Variants in SPOCK1 observed in about 807,000 individuals in gnomAD.
SPOCK1 encodes testican-1.
Under a neutral mutation model 55.3 loss-of-function variants are expected in SPOCK1, and 23 were observed. The observed-to-expected ratio is 0.42, with a 90% confidence interval of 0.30 to 0.59. The LOEUF (loss-of-function observed/expected upper bound fraction) is 0.59, where lower values mean the gene tolerates loss of function less well. Among genes scored for constraint, SPOCK1 ranks in the 20% least tolerant of loss-of-function variants. SPOCK1 has a pLI of 0.22. For missense variants in SPOCK1, 499 were observed against 552.5 expected (o/e 0.90, Z 0.97); for synonymous variants, 226 against 221.0 (o/e 1.02, Z -0.20).
At chr5:137,363,477 G>A (rs538085073) in intron 2 of SPOCK1, among the ~76,000 whole-genome samples, 24 of 152,278 alleles carry the variant, frequency 1.6e-4, no homozygotes, top group Admixed American at 5.2e-4. Flanking sequence ...CAGCTTGATG[G>A]TTAAGGGCAT....
At chr5:137,433,919 T>C (rs1309929441) in intron 2 of SPOCK1, among the ~76,000 whole-genome samples, 2 of 152,212 alleles carry the variant, frequency 1.3e-5, no homozygotes, top group Admixed American at 1.3e-4. Flanking sequence ...TTGAGTACCA[T>C]TTTAAGGAAT....
Position 137,408,301 on chromosome 5 carries a change from T to C in SPOCK1, c.186+90072A>G, listed in dbSNP as rs753324264. 2.0e-5 allele frequency among the ~76,000 whole-genome samples: 3 copies of C among 152,166 alleles called. No individual in the cohort carries two copies. In the South Asian group the frequency reaches 6.2e-4, roughly 32 times the overall value. On this transcript the variant is annotated intron_variant, in intron 2 of 10. Coordinates refer to ENST00000394945, the MANE Select transcript of SPOCK1 (RefSeq NM_004598.4). ...ACCCCACCATGGATGGTGAGTGGTA[T>C]GGTCTTACCATCAGATAGTCAGGAG...
intron 5 of SPOCK1, among the ~76,000 whole-genome samples, chr5:137,095,823 G>A (rs1753136163): frequency 1.3e-5 from 2 of 152,300 alleles, no homozygotes; most frequent in African/African-American, 4.8e-5. Context: ...TGAAATAGCA[G>A]GTCAAAAATA....
intron 2 of SPOCK1, among the ~76,000 whole-genome samples, chr5:137,342,095 C>T (rs1156933382): frequency 6.6e-6 from 1 of 152,234 alleles, no homozygotes; most frequent in African/African-American, 2.4e-5. Flanking sequence ...ATCAGACATA[C>T]TCTCAGCAAA....
chr5:137,333,987 G>C (rs1750176262), intron 2 of SPOCK1, among the ~76,000 whole-genome samples: 1 of 152,160 alleles, frequency 6.6e-6, no homozygotes, highest in African/African-American at 2.4e-5. Flanking sequence ...AAGCAGGTTG[G>C]GTAGTTTCCA....
intron 2 of SPOCK1, among the ~76,000 whole-genome samples, chr5:137,485,007 A>G (rs1051010242): frequency 3.4e-4 from 51 of 152,214 alleles, no homozygotes; most frequent in African/African-American, 1.2e-3. Context: ...GAAAATAAAA[A>G]TTTTAGTATT....
intron 5 of SPOCK1, among the ~76,000 whole-genome samples, chr5:137,077,058 G>A (rs888495465): frequency 1.3e-5 from 2 of 151,982 alleles, no homozygotes; most frequent in Non-Finnish European, 2.9e-5. Flanking sequence ...TAAGTAGCTG[G>A]GACTACAGGC....
chr5:137,044,832 C>A (rs1390682161), intron 6 of SPOCK1, among the ~76,000 whole-genome samples: 2 of 141,476 alleles, frequency 1.4e-5, no homozygotes, highest in African/African-American at 5.3e-5. Context: ...TGTGATATTC[C>A]CCTTCCTGTG....
intron 2 of SPOCK1, among the ~76,000 whole-genome samples, chr5:137,434,536 A>G (rs1752817932): frequency 8.6e-6 from 1 of 116,222 alleles, no homozygotes; most frequent in Non-Finnish European, 1.6e-5. Flanking sequence ...TCTGTCACAC[A>G]GGCTGCAGTG....
At chr5:137,243,189 G>A (rs2127101429) in intron 3 of SPOCK1, among the ~76,000 whole-genome samples, 1 of 152,208 alleles carries the variant, frequency 6.6e-6, no homozygotes, top group Non-Finnish European at 1.5e-5. Flanking sequence ...ATTTTTCCTT[G>A]GCTCGTTCTT....
At chr5:137,418,169 G>T (rs1258437242) in intron 2 of SPOCK1, among the ~76,000 whole-genome samples, 1 of 152,126 alleles carries the variant, frequency 6.6e-6, no homozygotes, top group African/African-American at 2.4e-5. Flanking sequence ...ATTCCATGGT[G>T]TATATGTGCC....
intron 2 of SPOCK1, among the ~76,000 whole-genome samples, chr5:137,388,600 C>T (rs1751646199): frequency 6.6e-6 from 1 of 152,054 alleles, no homozygotes. Context: ...ATGTAGGGCC[C>T]CAACCCCAGA....
intron 6 of SPOCK1, among the ~76,000 whole-genome samples, chr5:137,035,042 T>G (rs532574370): frequency 2.0e-5 from 3 of 152,282 alleles, no homozygotes; most frequent in Admixed American, 1.3e-4. Context: ...TTCCATCAGA[T>G]GCATGCCTTC....
At chr5:137,159,697 T>C (rs1032441617) in intron 3 of SPOCK1, among the ~76,000 whole-genome samples, 5 of 152,188 alleles carry the variant, frequency 3.3e-5, no homozygotes, top group Non-Finnish European at 5.9e-5. Flanking sequence ...CTGAGTAGTA[T>C]TCTACGGTGT....
At chr5:137,021,888 A>G (rs974373509) in intron 6 of SPOCK1, among the ~76,000 whole-genome samples, 1 of 152,218 alleles carries the variant, frequency 6.6e-6, no homozygotes, top group Non-Finnish European at 1.5e-5. Context: ...TTAAAGAGAA[A>G]GATCTATGCT....
At chr5:137,438,468 A>G (rs1250680936) in intron 2 of SPOCK1, among the ~76,000 whole-genome samples, 1 of 152,182 alleles carries the variant, frequency 6.6e-6, no homozygotes, top group Non-Finnish European at 1.5e-5. Flanking sequence ...TAAATAACCC[A>G]AAGGAGAAAT....
chr5:136,984,366 C>T (rs1750798905), intron 9 of SPOCK1, among the ~76,000 whole-genome samples: 1 of 152,166 alleles, frequency 6.6e-6, no homozygotes, highest in Admixed American at 6.5e-5. Flanking sequence ...AATGCATCTG[C>T]CTCTGAATGC....
intron 2 of SPOCK1, among the ~76,000 whole-genome samples, chr5:137,281,324 A>G (rs994952113): frequency 2.0e-5 from 3 of 152,232 alleles, no homozygotes; most frequent in Admixed American, 1.3e-4. Context: ...GACTCTGAGA[A>G]AAGTATCTAC....
At chr5:137,072,438 C>A (rs1365752983) in intron 5 of SPOCK1, among the ~76,000 whole-genome samples, 2 of 152,086 alleles carry the variant, frequency 1.3e-5, no homozygotes, top group Non-Finnish European at 2.9e-5. Context: ...TCACTGCAGA[C>A]AGAAAAAGAA....
Sources: allele counts gnomAD v4.1 joint callset (sites outside exome capture counted in the v4.1 genomes callset), GRCh38; gene constraint gnomAD v4.1.1; transcripts MANE v1.5; gene names NCBI Gene and HGNC (gene_info 2026-07-23, HGNC 2026-07-21).